Variants in SPATA13 observed in about 807,000 individuals in gnomAD.
SPATA13 encodes the protein spermatogenesis-associated protein 13.
A neutral mutation model predicts 104.0 loss-of-function variants in SPATA13; 50 were observed. That is an observed-to-expected ratio of 0.48 (90% CI 0.38 to 0.61). The LOEUF is 0.61. Ranked by LOEUF, SPATA13 falls within the 20% of genes least tolerant of loss-of-function variation. The probability of loss-of-function intolerance (pLI) is 0.00; values close to 1 mark genes in which losing one functional copy is unlikely to be tolerated. For missense variants in SPATA13, 1,524 were observed against 1,690.6 expected (o/e 0.90, Z 1.73); for synonymous variants, 606 against 667.5 (o/e 0.91, Z 1.42).
chr13:24,102,475 C>CTT (rs34472292), intron 3 of SPATA13, among the ~76,000 whole-genome samples: 37 of 120,836 alleles, frequency 3.1e-4, no homozygotes, highest in African/African-American at 8.7e-4. Flanking sequence ...CACAGAATTT[C>CTT]TTTTTTTTTT....
chr13:24,277,429 G>T (rs1490360880), intron 4 of SPATA13, among the ~76,000 whole-genome samples: 1 of 120,918 alleles, frequency 8.3e-6, no homozygotes, highest in Non-Finnish European at 1.6e-5. Flanking sequence ...GGGCAACAGA[G>T]CAAGACTCCG....
chr13:24,010,490 G>A (rs1354408244), intron 2 of SPATA13, among the ~76,000 whole-genome samples: 1 of 146,228 alleles, frequency 6.8e-6, no homozygotes, highest in Non-Finnish European at 1.5e-5. Context: ...TTGTAGCTAC[G>A]TTATTTAGGA....
chr13:24,248,064 G>C (rs991203145), intron 2 of SPATA13, among the ~76,000 whole-genome samples: 3 of 152,188 alleles, frequency 2.0e-5, no homozygotes, highest in African/African-American at 7.2e-5. Context: ...GTTTATATCT[G>C]TAGGTAAGGT....
At chr13:24,291,756 A>ATTTT (rs71070676) in intron 9 of SPATA13, among the ~76,000 whole-genome samples, 1 of 136,468 alleles carries the variant, frequency 7.3e-6, no homozygotes, top group African/African-American at 2.7e-5. Flanking sequence ...TTATTTTTTT[A>ATTTT]TTTTTTTTTT....
At chr13:24,084,870 T>C (rs1879669094) in intron 3 of SPATA13, among the ~76,000 whole-genome samples, 1 of 152,208 alleles carries the variant, frequency 6.6e-6, no homozygotes, top group Admixed American at 6.5e-5. Context: ...AAAATATATA[T>C]AACTATGTAT....
chr13:24,085,185 C>T (rs1164634847), intron 3 of SPATA13, among the ~76,000 whole-genome samples: 7 of 152,220 alleles, frequency 4.6e-5, no homozygotes, highest in Middle Eastern at 3.4e-3. Context: ...TGCAGCGGTG[C>T]AATCTGGGCT....
intron 4 of SPATA13, among the ~76,000 whole-genome samples, chr13:24,260,121 C>T (rs1873984693): frequency 6.6e-6 from 1 of 152,194 alleles, no homozygotes; most frequent in South Asian, 2.1e-4. Flanking sequence ...AAAACCACCA[C>T]AACTGCACTC....
At chr13:24,005,824 G>A (rs140766280) in intron 2 of SPATA13, among the ~76,000 whole-genome samples, 1 of 152,338 alleles carries the variant, frequency 6.6e-6, no homozygotes, top group African/African-American at 2.4e-5. Context: ...GTCAATGGAG[G>A]AGTGGATTCC....
At chr13:24,025,454 TAACCATGTGC>T in intron 3 of SPATA13, among the ~76,000 whole-genome samples, 1 of 152,334 alleles carries the variant, frequency 6.6e-6, no homozygotes, top group Non-Finnish European at 1.5e-5. Context: ...TGTCTCCCAG[TAACCATGTGC>T]AAATTTCCTT....
At chr13:24,073,251 T>A (rs1391943114) in intron 3 of SPATA13, among the ~76,000 whole-genome samples, 2 of 152,128 alleles carry the variant, frequency 1.3e-5, no homozygotes, top group Non-Finnish European at 2.9e-5. Context: ...TTAAAAAAAA[T>A]TTCTAGGTTT....
chr13:23,999,704 G>C (rs1032994102), intron 2 of SPATA13, among the ~76,000 whole-genome samples: 1 of 152,194 alleles, frequency 6.6e-6, no homozygotes, highest in Non-Finnish European at 1.5e-5. Context: ...TTACTCTCAA[G>C]TCTGGCCTGG....
chr13:24,137,782 G>T (rs982705800), intron 3 of SPATA13, among the ~76,000 whole-genome samples: 12 of 152,238 alleles, frequency 7.9e-5, no homozygotes, highest in African/African-American at 2.6e-4. Context: ...AAACCCAAAA[G>T]TAACATTAAG....
At chr13:24,082,789 C>T (rs867055640) in intron 3 of SPATA13, among the ~76,000 whole-genome samples, 158 of 133,474 alleles carry the variant, frequency 1.2e-3, no homozygotes, top group African/African-American at 4.2e-3. Flanking sequence ...CACTGCAGTC[C>T]GCAGTCCGGC....
At chr13:24,112,553 TACACAC>T (rs3075291) in intron 3 of SPATA13, among the ~76,000 whole-genome samples, 1 of 150,020 alleles carries the variant, frequency 6.7e-6, no homozygotes, top group African/African-American at 2.4e-5. Context: ...GTGCCAGGCA[TACACAC>T]ACACACACAC....
intron 1 of SPATA13, among the ~76,000 whole-genome samples, chr13:24,210,068 T>G (rs1232984231): frequency 6.6e-6 from 1 of 152,196 alleles, no homozygotes. Context: ...GTGTCTTCTT[T>G]GAAAAAATGT....
intron 3 of SPATA13, among the ~76,000 whole-genome samples, chr13:24,113,496 C>T (rs1018863534): frequency 1.3e-5 from 2 of 152,056 alleles, no homozygotes; most frequent in East Asian, 1.9e-4. Context: ...CCCAGCTGCT[C>T]GGGAGGCTGA....
intron 3 of SPATA13, among the ~76,000 whole-genome samples, chr13:24,026,578 T>C (rs1376328835): frequency 6.6e-6 from 1 of 151,112 alleles, no homozygotes; most frequent in Non-Finnish European, 1.5e-5. Flanking sequence ...ATTTGTTTAT[T>C]TTTTATTTTT....
At chr13:24,000,499 G>A (rs1220352428) in intron 2 of SPATA13, among the ~76,000 whole-genome samples, 2 of 152,158 alleles carry the variant, frequency 1.3e-5, no homozygotes, top group East Asian at 3.8e-4. Context: ...TAGAGCCCTT[G>A]CCATCCCCAA....
intron 3 of SPATA13, among the ~76,000 whole-genome samples, chr13:24,061,494 T>TA (rs907029929): frequency 4.0e-5 from 6 of 151,890 alleles, no homozygotes; most frequent in Non-Finnish European, 7.4e-5. Flanking sequence ...TAGACTGGAT[T>TA]AAAAAAAATG....
Sources: gnomAD v4.1 joint callset for allele counts (sites outside exome capture counted in the v4.1 genomes callset) on GRCh38, gnomAD v4.1.1 for gene constraint, MANE v1.5 for transcripts, NCBI Gene and HGNC (gene_info 2026-07-23, HGNC 2026-07-21) for gene names.